The following ANKS1B variants were observed in gnomAD, a reference collection of about 807,000 sequenced individuals.
The protein encoded by ANKS1B is ankyrin repeat and sterile alpha motif domain containing 1B.
ANKS1B carries 36 observed loss-of-function variants against 148.3 expected under a neutral mutation model. The ratio of observed to expected loss-of-function variants is 0.24; its 90% CI spans 0.19 to 0.32. The LOEUF (loss-of-function observed/expected upper bound fraction) is 0.32. Among genes scored for constraint, ANKS1B ranks in the 10% least tolerant of loss-of-function variants. ANKS1B has a pLI of 1.00. For missense variants in ANKS1B, 1,157 were observed against 1,542.6 expected (o/e 0.75, Z 4.19); for synonymous variants, 542 against 560.8 (o/e 0.97, Z 0.47).
intron 9 of ANKS1B, among the ~76,000 whole-genome samples, chr12:99,623,188 A>G (rs2098074939): frequency 1.3e-5 from 2 of 152,096 alleles, no homozygotes; most frequent in African/African-American, 4.8e-5. Context: ...AAAGCATTCA[A>G]TAAAATCTAA....
chr12:99,067,415 C>A (rs2044724185), intron 16 of ANKS1B, among the ~76,000 whole-genome samples: 1 of 152,128 alleles, frequency 6.6e-6, no homozygotes, highest in South Asian at 2.1e-4. Context: ...TCTGAAGCAG[C>A]CCTTGGCATT....
At chr12:99,895,513 A>G (rs1351071180) in intron 1 of ANKS1B, among the ~76,000 whole-genome samples, 1 of 150,980 alleles carries the variant, frequency 6.6e-6, no homozygotes, top group Non-Finnish European at 1.5e-5. Context: ...TTAAAAAAGG[A>G]AAGTCAAAGC....
chr12:99,956,177 C>G (rs2095321287), intron 1 of ANKS1B, among the ~76,000 whole-genome samples: 1 of 150,612 alleles, frequency 6.6e-6, no homozygotes, highest in African/African-American at 2.4e-5. Context: ...ACTCAGGAGG[C>G]TAAGGCAGGA....
chr12:99,322,490 A>AG (rs2085475340), intron 12 of ANKS1B, among the ~76,000 whole-genome samples: 1 of 151,862 alleles, frequency 6.6e-6, no homozygotes, highest in East Asian at 1.9e-4. Flanking sequence ...AAAAAAAAAA[A>AG]AAAGAAAAAG....
chr12:99,159,571 T>A (rs1253942360), intron 14 of ANKS1B, among the ~76,000 whole-genome samples: 1 of 152,242 alleles, frequency 6.6e-6, no homozygotes, highest in Non-Finnish European at 1.5e-5. Context: ...TTTCTTTTTT[T>A]ATGGATGCAT....
At chr12:99,591,812 C>A (rs1295449782) in intron 9 of ANKS1B, among the ~76,000 whole-genome samples, 1 of 152,086 alleles carries the variant, frequency 6.6e-6, no homozygotes, top group Non-Finnish European at 1.5e-5. Flanking sequence ...ACTAGAAAGA[C>A]CCAATCCCTA....
At chr12:99,634,246 G>C (rs1598498790) in intron 9 of ANKS1B, among the ~76,000 whole-genome samples, 1 of 152,032 alleles carries the variant, frequency 6.6e-6, no homozygotes, top group African/African-American at 2.4e-5. Context: ...ATGAGTTAAT[G>C]GATTAATGGG....
intron 1 of ANKS1B, among the ~76,000 whole-genome samples, chr12:99,920,969 T>A (rs2094334029): frequency 6.6e-6 from 1 of 152,176 alleles, no homozygotes; most frequent in Admixed American, 6.5e-5. Context: ...ATCTGGTCAT[T>A]CTTTAGTCCA....
intron 12 of ANKS1B, among the ~76,000 whole-genome samples, chr12:99,373,813 T>C (rs1365910776): frequency 3.3e-5 from 5 of 152,174 alleles, no homozygotes; most frequent in Non-Finnish European, 5.9e-5. Flanking sequence ...AAACTACCTT[T>C]GAGAAAGGGT....
intron 9 of ANKS1B, among the ~76,000 whole-genome samples, chr12:99,530,677 A>G (rs2096979456): frequency 6.6e-6 from 1 of 152,162 alleles, no homozygotes; most frequent in Admixed American, 6.5e-5. Context: ...CCTACCATTT[A>G]TTTAATCTAC....
At chr12:99,318,993 C>G (rs2084708271) in intron 12 of ANKS1B, among the ~76,000 whole-genome samples, 1 of 152,126 alleles carries the variant, frequency 6.6e-6, no homozygotes, top group African/African-American at 2.4e-5. Flanking sequence ...GAGTGAGTTT[C>G]TTAATCTTGA....
chr12:98,766,037 T>G (rs959910986), intron 25 of ANKS1B, among the ~76,000 whole-genome samples: 3 of 152,256 alleles, frequency 2.0e-5, no homozygotes, highest in African/African-American at 7.2e-5. Flanking sequence ...CATGCATAAA[T>G]GCTGCAAAGC....
intron 9 of ANKS1B, among the ~76,000 whole-genome samples, chr12:99,566,267 T>C (rs1427904660): frequency 6.6e-6 from 1 of 152,344 alleles, no homozygotes; most frequent in Middle Eastern, 3.4e-3. Flanking sequence ...CAGTAGCAAC[T>C]TCAATACTTT....
chr12:99,260,364 G>C lies in ANKS1B; in HGVS notation c.1757-13500C>G, dbSNP rs1602165825. ...AATTTGAATTCAAAGTCACCCAAAT[G>C]TCCTCAGTAAAAGCTCTGAGAATGC... On this transcript the variant is annotated intron_variant, in intron 12 of 26. Transcript: ENST00000683438. Among the ~76,000 whole-genome samples the C allele has an allele frequency of 2.6e-5, 4 of 152,248 alleles. No homozygotes were observed. The South Asian group carries it at 8.3e-4, about 32-fold the overall frequency.
At chr12:99,459,487 C>T (rs1173688287) in intron 10 of ANKS1B, among the ~76,000 whole-genome samples, 5 of 151,958 alleles carry the variant, frequency 3.3e-5, no homozygotes, top group African/African-American at 1.2e-4. Context: ...TTGCTGATGA[C>T]ATGATCACAT....
chr12:99,677,637 T>C (rs1006104238), intron 8 of ANKS1B, among the ~76,000 whole-genome samples: 2 of 152,234 alleles, frequency 1.3e-5, no homozygotes, highest in Non-Finnish European at 2.9e-5. Context: ...CAGCTGCTTA[T>C]GTAATTCTGA....
chr12:99,426,248 C>G (rs1594586296), intron 11 of ANKS1B, among the ~76,000 whole-genome samples: 1 of 152,202 alleles, frequency 6.6e-6, no homozygotes, highest in Admixed American at 6.5e-5. Flanking sequence ...TTTTGACTAA[C>G]TTAATGACCC....
intron 4 of ANKS1B, among the ~76,000 whole-genome samples, chr12:99,792,758 T>G (rs1223718207): frequency 6.6e-6 from 1 of 151,980 alleles, no homozygotes; most frequent in African/African-American, 2.4e-5. Context: ...GGGGGAAAAC[T>G]GAAAGCCTTT....
At chr12:99,645,308 G>A (rs1050117326) in intron 9 of ANKS1B, among the ~76,000 whole-genome samples, 12 of 152,132 alleles carry the variant, frequency 7.9e-5, no homozygotes, top group African/African-American at 2.9e-4. Context: ...TTTAGCAAGA[G>A]AATAAAATCA....
Sources: gnomAD v4.1 joint callset for allele counts (sites outside exome capture counted in the v4.1 genomes callset) on GRCh38, gnomAD v4.1.1 for gene constraint, MANE v1.5 for transcripts, NCBI Gene and HGNC (gene_info 2026-07-23, HGNC 2026-07-21) for gene names.